Variants in STK4 observed in about 807,000 individuals in gnomAD.
STK4 encodes serine/threonine-protein kinase 4.
STK4 carries 30 observed loss-of-function variants against 64.9 expected under a neutral mutation model. That is an observed-to-expected ratio of 0.46 (90% CI 0.35 to 0.63). The LOEUF (loss-of-function observed/expected upper bound fraction) is 0.63. STK4 is among the 20% of genes least tolerant of loss of function. The pLI, the probability that STK4 is intolerant of heterozygous loss-of-function variation, is 0.01. For missense variants in STK4, 466 were observed against 598.5 expected (o/e 0.78, Z 2.31); for synonymous variants, 177 against 199.0 (o/e 0.89, Z 0.93).
intron 1 of STK4, chr20:44,967,227 T>C: frequency 4.1e-6 from 4 of 985,240 alleles, no homozygotes; most frequent in Non-Finnish European, 4.8e-6. Flanking sequence ...GTCTTCCTAA[T>C]GGTCTTCACA....
At chr20:45,052,494 A>G (rs1978292287) in intron 10 of STK4, among the ~76,000 whole-genome samples, 1 of 152,106 alleles carries the variant, frequency 6.6e-6, no homozygotes, top group African/African-American at 2.4e-5. Context: ...CTTTTGATTG[A>G]TTTAATCATC....
At chr20:45,025,658 A>T (rs1197879131) in intron 10 of STK4, among the ~76,000 whole-genome samples, 1 of 152,184 alleles carries the variant, frequency 6.6e-6, no homozygotes, top group Non-Finnish European at 1.5e-5. Flanking sequence ...ATAGACACTT[A>T]TTAATGTTCA....
chr20:44,999,633 A>C (rs757135283), intron 7 of STK4, among the ~76,000 whole-genome samples: 1 of 152,260 alleles, frequency 6.6e-6, no homozygotes, highest in African/African-American at 2.4e-5. Flanking sequence ...AGCAAATTTT[A>C]TTAATGAAAT....
chr20:45,000,318 A>C (rs1306202559), intron 7 of STK4, 74 bp from the exon 8 acceptor site: 1 of 1,511,282 alleles, frequency 6.6e-7, no homozygotes, highest in African/African-American at 1.4e-5. Flanking sequence ...TCCAGTACCT[A>C]CTGTGTTCCA....
chr20:45,072,147 CTG>C (rs1980123273), intron 10 of STK4, among the ~76,000 whole-genome samples: 1 of 152,148 alleles, frequency 6.6e-6, no homozygotes, highest in Non-Finnish European at 1.5e-5. Flanking sequence ...GCTCAGGAAT[CTG>C]TGTTTTTAGC....
intron 9 of STK4, among the ~76,000 whole-genome samples, chr20:45,010,919 G>A (rs1224748327): frequency 6.6e-6 from 1 of 152,150 alleles, no homozygotes; most frequent in Non-Finnish European, 1.5e-5. Flanking sequence ...AATTTGTTTT[G>A]GATGTATGTA....
intron 3 of STK4, among the ~76,000 whole-genome samples, 192 bp from the exon 4 acceptor site, chr20:44,981,637 T>C (rs2067441531): frequency 6.6e-6 from 1 of 152,246 alleles, no homozygotes; most frequent in South Asian, 2.1e-4. Context: ...AAGTTTTTTA[T>C]ACTTTTGTGA....
chr20:44,987,928 A>AAT (rs2067559135), intron 5 of STK4, among the ~76,000 whole-genome samples: 1 of 151,992 alleles, frequency 6.6e-6, no homozygotes, highest in Non-Finnish European at 1.5e-5. Flanking sequence ...TGGTAGAATG[A>AAT]ATATATATAG....
intron 10 of STK4, among the ~76,000 whole-genome samples, chr20:45,061,595 A>ATTTT (rs1374245948): frequency 1.8e-5 from 2 of 111,544 alleles, no homozygotes; most frequent in Non-Finnish European, 3.8e-5. Flanking sequence ...TTAGTATGGA[A>ATTTT]ATTTTTTTTT....
At chr20:45,001,465 A>T in intron 9 of STK4, 112 bp downstream of exon 9, 1 of 1,294,678 alleles carries the variant, frequency 7.7e-7, no homozygotes, top group Non-Finnish European at 1.0e-6. Flanking sequence ...TTTTGTCACA[A>T]CCAAAGGAGT....
chr20:45,055,670 A>G (rs1424296083), intron 10 of STK4, among the ~76,000 whole-genome samples: 1 of 149,870 alleles, frequency 6.7e-6, no homozygotes, highest in East Asian at 1.9e-4. Context: ...CTTCACTTGG[A>G]CAATTCAGCT....
intron 8 of STK4, 67 bp downstream of exon 8, chr20:45,000,587 G>GT: frequency 6.3e-7 from 1 of 1,597,554 alleles, no homozygotes; most frequent in South Asian, 1.1e-5. Context: ...GCCAAACCAG[G>GT]TAAGATGAGT....
chr20:45,015,717 C>T (rs549329354), intron 9 of STK4, among the ~76,000 whole-genome samples: 5 of 152,278 alleles, frequency 3.3e-5, no homozygotes, highest in East Asian at 1.9e-4. Context: ...TTACAGACTA[C>T]GTCACCTTGG....
At chr20:44,975,548 A>G (rs1349626285) in intron 2 of STK4, 1 of 206,836 alleles carries the variant, frequency 4.8e-6, no homozygotes, top group Admixed American at 6.5e-5. Context: ...AAAGAAATCT[A>G]AATAATCAGC....
intron 10 of STK4, among the ~76,000 whole-genome samples, chr20:45,034,138 G>A (rs149901416): frequency 6.6e-6 from 1 of 151,968 alleles, no homozygotes; most frequent in African/African-American, 2.4e-5. Flanking sequence ...GCACTTAGAA[G>A]AAGATTTATA....
intron 3 of STK4, among the ~76,000 whole-genome samples, 166 bp from the exon 4 acceptor site, chr20:44,981,662 GA>G (rs1336205923): frequency 8.8e-4 from 134 of 152,246 alleles, no homozygotes; most frequent in African/African-American, 3.2e-3. Context: ...TTACCCTCCA[GA>G]AAAGCTATAC....
At chr20:45,073,087 C>T (rs1980215771) in intron 10 of STK4, among the ~76,000 whole-genome samples, 1 of 152,124 alleles carries the variant, frequency 6.6e-6, no homozygotes, top group Non-Finnish European at 1.5e-5. Context: ...CCTGTGATCC[C>T]AAAGATTACA....
In STK4 at chr20:44,990,718, C is replaced by G. The variant is rs562471871; in HGVS notation, c.525+3422C>G. Among the ~76,000 whole-genome samples, 53 of 152,144 alleles carry G rather than the reference C, an allele frequency of 3.5e-4. 1 individual carries two copies. The highest frequency in any genetic ancestry group is 1.2e-3 in the African/African-American group (51 of 41,510). ...GTCTAGAGATCCTCGGTTTCACTCC[C>G]CAGAGAGTACACCTCCAGTCTAATG... is the stretch of plus-strand genomic sequence containing the variant. On this transcript the variant is annotated intron_variant, in intron 5 of 10. Transcript: ENST00000372806.
chr20:45,004,194 C>G (rs1352476466), intron 9 of STK4, among the ~76,000 whole-genome samples: 1 of 151,826 alleles, frequency 6.6e-6, no homozygotes, highest in Non-Finnish European at 1.5e-5. Flanking sequence ...CTTCTGAGTT[C>G]AAGTGATTCT....
Sources: allele counts gnomAD v4.1 joint callset (sites outside exome capture counted in the v4.1 genomes callset), GRCh38; gene constraint gnomAD v4.1.1; transcripts MANE v1.5; gene names NCBI Gene and HGNC (gene_info 2026-07-23, HGNC 2026-07-21).